Variants in DDAH1 observed in about 807,000 individuals in gnomAD.
The protein encoded by DDAH1 is N(G),N(G)-dimethylarginine dimethylaminohydrolase 1.
Under a neutral mutation model 28.8 loss-of-function variants are expected in DDAH1, and 19 were observed. The ratio of observed to expected loss-of-function variants is 0.66; its 90% CI spans 0.46 to 0.97. DDAH1 has a LOEUF of 0.97. Ranked by LOEUF, DDAH1 falls within the 50% of genes least tolerant of loss-of-function variation. The pLI is 0.00. For missense variants in DDAH1, 326 were observed against 375.9 expected, an observed-to-expected ratio of 0.87 and a Z score of 1.10; for synonymous variants, 153 against 154.4, an observed-to-expected ratio of 0.99 and a Z score of 0.07.
chr1:85,468,851 T>C (rs558570617), upstream of DDAH1, among the ~76,000 whole-genome samples: 6 of 152,238 alleles, frequency 3.9e-5, no homozygotes, highest in East Asian at 1.2e-3. Context: ...TCAGATCTCA[T>C]GAGACTTATT....
chr1:85,541,874 A>T (rs1658481301), intron 1 of DDAH1, among the ~76,000 whole-genome samples: 1 of 152,210 alleles, frequency 6.6e-6, no homozygotes, highest in South Asian at 2.1e-4. Flanking sequence ...GAAGCAGGGT[A>T]TCACCACATA....
intron 1 of DDAH1, among the ~76,000 whole-genome samples, chr1:85,540,985 G>C (rs1004732834): frequency 7.3e-6 from 1 of 136,740 alleles, no homozygotes; most frequent in Non-Finnish European, 1.6e-5. Context: ...AAAAAAAAAT[G>C]TATATCTATA....
intron 1 of DDAH1, among the ~76,000 whole-genome samples, chr1:85,504,662 C>T (rs1039172748): frequency 6.6e-6 from 1 of 152,116 alleles, no homozygotes; most frequent in Non-Finnish European, 1.5e-5. Context: ...CAGTGATTAT[C>T]ATCCTCCTCT....
chr1:85,441,586 C>T (rs1246503788), intron 1 of DDAH1, among the ~76,000 whole-genome samples: 1 of 151,866 alleles, frequency 6.6e-6, no homozygotes, highest in Non-Finnish European at 1.5e-5. Context: ...TGGCAGACTA[C>T]ACAAGGATTG....
At chr1:85,383,208 A>AT (rs1651086695) in intron 1 of DDAH1, among the ~76,000 whole-genome samples, 2 of 152,250 alleles carry the variant, frequency 1.3e-5, no homozygotes, top group African/African-American at 4.8e-5. Flanking sequence ...CATTAAGAAC[A>AT]TTTGTGATTC....
intron 1 of DDAH1, among the ~76,000 whole-genome samples, chr1:85,439,895 A>G (rs1024291079): frequency 8.5e-5 from 13 of 152,256 alleles, no homozygotes; most frequent in Non-Finnish European, 1.3e-4. Flanking sequence ...CATAATGCTA[A>G]TAAGACTACA....
upstream of DDAH1, chr1:85,467,688 C>T (rs1182667912): frequency 6.6e-6 from 1 of 152,218 alleles, no homozygotes; most frequent in Non-Finnish European, 1.5e-5. Context: ...TGCTTTCACA[C>T]TTCAGCAATG....
chr1:85,511,550 T>G (rs892718655), intron 1 of DDAH1, among the ~76,000 whole-genome samples: 4 of 152,086 alleles, frequency 2.6e-5, no homozygotes, highest in African/African-American at 7.2e-5. Context: ...AAAAAATCAA[T>G]GAATCCAGGA....
rs1472383173 is a variant in DDAH1 at position 85,414,999 on chromosome 1, G to C, written c.303+49744C>G. 3.7e-5 allele frequency among the ~76,000 whole-genome samples: 5 copies of C among 135,716 alleles called. No individual in the cohort carries two copies. In the South Asian group the frequency reaches 1.2e-3, roughly 33 times the overall value. 89.0% of individuals were successfully genotyped at this position (135,716 alleles called of 152,430 possible). ...CTTTAACGAAAATCAAATATTTCAA[G>C]TGTTGCTTTTTTTTTTTTTTTTTTT... On this transcript the variant is annotated intron_variant, in intron 1 of 5. Coordinates refer to ENST00000284031, the MANE Select transcript of DDAH1 (RefSeq NM_012137.4).
chr1:85,413,279 C>A (rs2100600094), intron 1 of DDAH1, among the ~76,000 whole-genome samples: 2 of 152,288 alleles, frequency 1.3e-5, no homozygotes, highest in South Asian at 2.1e-4. Flanking sequence ...TGAACCTGTG[C>A]CTTAGCACGT....
chr1:85,571,880 A>G (rs534336004), intron 1 of DDAH1, among the ~76,000 whole-genome samples: 2 of 138,132 alleles, frequency 1.4e-5, no homozygotes, highest in Non-Finnish European at 3.0e-5. Flanking sequence ...ACCTGGCACT[A>G]TGTTTTTTCT....
chr1:85,389,024 C>T (rs978879019), intron 1 of DDAH1, among the ~76,000 whole-genome samples: 1 of 152,086 alleles, frequency 6.6e-6, no homozygotes, highest in African/African-American at 2.4e-5. Context: ...GCCTCAGTTT[C>T]CTCACCCATA....
chr1:85,559,716 G>A (rs1176520336), intron 1 of DDAH1, among the ~76,000 whole-genome samples: 1 of 151,856 alleles, frequency 6.6e-6, no homozygotes, highest in Non-Finnish European at 1.5e-5. Context: ...GAGTGTAGAA[G>A]CAGATATGAC....
In DDAH1 at chr1:85,425,674, T is replaced by C. The variant is rs536371961; in HGVS notation, c.303+39069A>G. Reference sequence around the variant, plus strand: ...GAGAAGTTATTACGTTTTTCCAAGGTAGTTTAAAATTTCCCTCCAAAACAC... The same window carrying C: ...GAGAAGTTATTACGTTTTTCCAAGGCAGTTTAAAATTTCCCTCCAAAACAC... On this transcript the variant is annotated intron_variant, in intron 1 of 5. Coordinates refer to ENST00000284031, the MANE Select transcript of DDAH1 (RefSeq NM_012137.4). 3.3e-5 allele frequency among the ~76,000 whole-genome samples: 5 copies of C among 152,278 alleles called. No individual in the cohort carries two copies. In the East Asian group the frequency reaches 9.6e-4, roughly 29 times the overall value.
chr1:85,451,976 C>T (rs1358449790), intron 1 of DDAH1, among the ~76,000 whole-genome samples: 2 of 152,160 alleles, frequency 1.3e-5, no homozygotes, highest in Non-Finnish European at 2.9e-5. Flanking sequence ...TACAGAAATA[C>T]TCTGTAGCAT....
intron 1 of DDAH1, among the ~76,000 whole-genome samples, chr1:85,416,940 T>C (rs1185749729): frequency 6.6e-6 from 1 of 152,134 alleles, no homozygotes; most frequent in Non-Finnish European, 1.5e-5. Flanking sequence ...ATAGGTGGGA[T>C]TACAAGCATG....
intron 1 of DDAH1, among the ~76,000 whole-genome samples, chr1:85,570,457 T>A (rs894521759): frequency 2.0e-5 from 3 of 151,910 alleles, no homozygotes. Context: ...CTCAAAGCAG[T>A]CTTCCAGGTT....
Position 85,318,504 on chromosome 1 carries a change from T to C in DDAH1, c.*2948A>G, listed in dbSNP as rs1375732818. On this transcript the variant is annotated 3_prime_UTR_variant, in exon 6 of 6. Coordinates refer to ENST00000284031, the MANE Select transcript of DDAH1 (RefSeq NM_012137.4). ...TGTTGATCACAGTACAACTCAACAC[T>C]TTATTCCATTGTGATTGGTATACAT... 6.6e-6 allele frequency: 1 copy of C among 152,640 alleles called. No homozygotes were observed. The highest frequency in any genetic ancestry group is 1.9e-4 in the East Asian group (1 of 5,198). 9.5% of individuals were successfully genotyped at this position (152,640 alleles called of 1,614,324 possible).
intron 1 of DDAH1, among the ~76,000 whole-genome samples, chr1:85,572,248 C>T (rs2297138): frequency 0.16 from 24,407 of 152,074 alleles, 2,443 homozygotes; most frequent in Admixed American, 0.25. Flanking sequence ...ATCAGACTCT[C>T]ATTAAGAAAC....
Sources: gnomAD v4.1 joint callset for allele counts (sites outside exome capture counted in the v4.1 genomes callset) on GRCh38, gnomAD v4.1.1 for gene constraint, MANE v1.5 for transcripts, NCBI Gene and HGNC (gene_info 2026-07-23, HGNC 2026-07-21) for gene names.